Variants in KCNB2 observed in about 807,000 individuals in gnomAD.
KCNB2 encodes potassium voltage-gated channel subfamily B member 2, also known as delayed rectifier potassium channel protein.
A neutral mutation model predicts 61.5 loss-of-function variants in KCNB2; 15 were observed. The ratio of observed to expected loss-of-function variants is 0.24; its 90% CI spans 0.16 to 0.38. The LOEUF (loss-of-function observed/expected upper bound fraction) is 0.38. KCNB2 is among the 10% of genes least tolerant of loss of function. The pLI is 1.00. For synonymous variants in KCNB2, 457 were observed against 446.0 expected (o/e 1.02, Z -0.31); for missense variants, 828 against 1,125.2 (o/e 0.74, Z 3.78).
intron 2 of KCNB2, among the ~76,000 whole-genome samples, chr8:72,571,420 G>A (rs1429200857): frequency 6.6e-6 from 1 of 151,890 alleles, no homozygotes; most frequent in Non-Finnish European, 1.5e-5. Context: ...TTAACAATGT[G>A]GTATATCTGA....
intron 2 of KCNB2, among the ~76,000 whole-genome samples, chr8:72,871,196 T>C (rs1433891470): frequency 3.3e-5 from 5 of 152,228 alleles, no homozygotes; most frequent in Non-Finnish European, 5.9e-5. Flanking sequence ...GAAACACATG[T>C]ATTATAACTG....
At chr8:72,836,390 A>G (rs1444525887) in intron 2 of KCNB2, among the ~76,000 whole-genome samples, 3 of 152,186 alleles carry the variant, frequency 2.0e-5, no homozygotes, top group Admixed American at 1.3e-4. Flanking sequence ...AAATGGAAGT[A>G]TTTTTCAAGA....
At chr8:72,568,681 TC>T (rs910533763) in intron 2 of KCNB2, among the ~76,000 whole-genome samples, 1 of 152,072 alleles carries the variant, frequency 6.6e-6, no homozygotes, top group African/African-American at 2.4e-5. Context: ...CTGAGCTCCA[TC>T]TTGAACAAAG....
chr8:72,648,196 G>A (rs1256503994), intron 2 of KCNB2, among the ~76,000 whole-genome samples: 1 of 152,150 alleles, frequency 6.6e-6, no homozygotes, highest in Non-Finnish European at 1.5e-5. Context: ...GTCTTTATAG[G>A]AGAGAATATA....
intron 2 of KCNB2, among the ~76,000 whole-genome samples, chr8:72,865,501 G>A (rs1387401443): frequency 6.6e-6 from 1 of 152,062 alleles, no homozygotes; most frequent in East Asian, 1.9e-4. Context: ...ATATAGCACA[G>A]TACTTGACAC....
At chr8:72,566,263 AATG>A (rs1806623761) in intron 1 of KCNB2, among the ~76,000 whole-genome samples, 1 of 152,170 alleles carries the variant, frequency 6.6e-6, no homozygotes, top group South Asian at 2.1e-4. Flanking sequence ...AAATTCCAAT[AATG>A]ATGACATTTT....
At chr8:72,842,852 GTCCA>G (rs1359382870) in intron 2 of KCNB2, among the ~76,000 whole-genome samples, 2 of 152,210 alleles carry the variant, frequency 1.3e-5, no homozygotes, top group Non-Finnish European at 2.9e-5. Context: ...CTGGCTAGCA[GTCCA>G]TCTATTTTGT....
chr8:72,542,252 A>C (rs1460867702), intron 1 of KCNB2, among the ~76,000 whole-genome samples: 5 of 152,168 alleles, frequency 3.3e-5, no homozygotes, highest in Non-Finnish European at 7.4e-5. Flanking sequence ...CATAGAATCA[A>C]ATATTTAGAC....
chr8:72,695,444 G>A (rs1807003769), intron 2 of KCNB2, among the ~76,000 whole-genome samples: 1 of 152,120 alleles, frequency 6.6e-6, no homozygotes, highest in Non-Finnish European at 1.5e-5. Context: ...AGTTTACTTA[G>A]AGAGTGACCT....
intron 2 of KCNB2, among the ~76,000 whole-genome samples, chr8:72,764,240 C>A (rs988452706): frequency 2.0e-5 from 3 of 152,096 alleles, no homozygotes; most frequent in Non-Finnish European, 4.4e-5. Flanking sequence ...TGATAGGCAA[C>A]CAGCACCTGA....
rs536837863 is a variant in KCNB2 at position 72,682,553 on chromosome 8, A to G, written c.579+114240A>G. Among the ~76,000 whole-genome samples, 38 of 151,656 alleles carry G rather than the reference A, an allele frequency of 2.5e-4. 1 individual carries two copies. The East Asian group carries it at 7.4e-3, about 29-fold the overall frequency. ...CTGACTCTGCCTCAGAGTTTTGTCA[A>G]CACAGTTGTCCAGGAAGTCATGGAC... On this transcript the variant is annotated intron_variant, in intron 2 of 2. Transcript: ENST00000523207.
intron 1 of KCNB2, among the ~76,000 whole-genome samples, chr8:72,562,244 C>T (rs963070812): frequency 2.6e-5 from 4 of 152,126 alleles, no homozygotes; most frequent in African/African-American, 9.7e-5. Context: ...AAGTGTATGA[C>T]ATAATGCTAG....
chr8:72,562,421 A>T (rs1236322449), intron 1 of KCNB2, among the ~76,000 whole-genome samples: 1 of 152,154 alleles, frequency 6.6e-6, no homozygotes, highest in Non-Finnish European at 1.5e-5. Context: ...GCAAAACTCA[A>T]ATGTTTGTTG....
chr8:72,691,727 T>C (rs531621918), intron 2 of KCNB2, among the ~76,000 whole-genome samples: 2 of 152,322 alleles, frequency 1.3e-5, no homozygotes, highest in East Asian at 3.9e-4. Flanking sequence ...CTCCCATTGA[T>C]AGTTACATGC....
At chr8:72,642,391 A>G (rs1402022677) in intron 2 of KCNB2, among the ~76,000 whole-genome samples, 2 of 152,138 alleles carry the variant, frequency 1.3e-5, no homozygotes, top group African/African-American at 2.4e-5. Flanking sequence ...TGTGGCTTCT[A>G]TTGAATTTCT....
intron 2 of KCNB2, among the ~76,000 whole-genome samples, chr8:72,612,795 T>G (rs1017365843): frequency 6.6e-6 from 1 of 152,192 alleles, no homozygotes; most frequent in Non-Finnish European, 1.5e-5. Context: ...CTAAGCTTTT[T>G]CAAGTTTGAG....
At chr8:72,823,465 G>A (rs1330365743) in intron 2 of KCNB2, among the ~76,000 whole-genome samples, 1 of 152,046 alleles carries the variant, frequency 6.6e-6, no homozygotes, top group South Asian at 2.1e-4. Flanking sequence ...TTCATGGAAG[G>A]TCCTTCATTA....
At chr8:72,711,718 G>A (rs111456447) in intron 2 of KCNB2, among the ~76,000 whole-genome samples, 87 of 151,124 alleles carry the variant, frequency 5.8e-4, no homozygotes, top group African/African-American at 2.0e-3. Flanking sequence ...GGACAGGCAC[G>A]GTGGCTTACG....
intron 2 of KCNB2, among the ~76,000 whole-genome samples, chr8:72,640,432 T>C (rs1033174270): frequency 2.0e-5 from 3 of 152,078 alleles, no homozygotes; most frequent in African/African-American, 7.2e-5. Context: ...TCAAGGCATA[T>C]TGTGGAAGTG....
Sources: allele counts gnomAD v4.1 joint callset (sites outside exome capture counted in the v4.1 genomes callset), GRCh38; gene constraint gnomAD v4.1.1; transcripts MANE v1.5; gene names NCBI Gene and HGNC (gene_info 2026-07-23, HGNC 2026-07-21).